The following ROCK2 variants were observed in gnomAD, a reference collection of about 807,000 sequenced individuals.
ROCK2 encodes Rho associated coiled-coil containing protein kinase 2.
A neutral mutation model predicts 195.1 loss-of-function variants in ROCK2; 61 were observed. That is an observed-to-expected ratio of 0.31 (90% CI 0.25 to 0.39). The LOEUF (loss-of-function observed/expected upper bound fraction) is 0.39. Among genes scored for constraint, ROCK2 ranks in the 10% least tolerant of loss-of-function variants. ROCK2 has a pLI of 1.00. For synonymous variants in ROCK2, 504 were observed against 545.5 expected (o/e 0.92, Z 1.06); for missense variants, 1,109 against 1,637.4 (o/e 0.68, Z 5.57).
chr2:11,343,920 G>A, intron 1 of ROCK2, 76 bp downstream of exon 1: 2 of 1,497,010 alleles, frequency 1.3e-6, no homozygotes, highest in Non-Finnish European at 8.9e-7. Flanking sequence ...CGGGCGGACG[G>A]GCACGGAGGG....
chr2:11,310,504 T>A (rs1030841736), intron 1 of ROCK2, among the ~76,000 whole-genome samples: 2 of 152,146 alleles, frequency 1.3e-5, no homozygotes, highest in African/African-American at 4.8e-5. Flanking sequence ...GACTCGTAGA[T>A]AAATTCCGAA....
chr2:11,188,723 A>G (rs1338032515), intron 32 of ROCK2, among the ~76,000 whole-genome samples: 1 of 150,820 alleles, frequency 6.6e-6, no homozygotes, highest in Non-Finnish European at 1.5e-5. Flanking sequence ...TCCCGGGTTC[A>G]CGCCATTCTC....
intron 23 of ROCK2, among the ~76,000 whole-genome samples, chr2:11,199,049 C>T (rs965529211): frequency 1.3e-5 from 2 of 150,492 alleles, no homozygotes; most frequent in South Asian, 2.1e-4. Flanking sequence ...TACAGGCATG[C>T]GCCACCACAC....
chr2:11,243,551 C>T (rs987479516), intron 4 of ROCK2, among the ~76,000 whole-genome samples: 2 of 152,108 alleles, frequency 1.3e-5, no homozygotes, highest in East Asian at 1.9e-4. Context: ...ATGAAAATGG[C>T]ACTTTAACTC....
chr2:11,269,528 C>T (rs13017010), intron 3 of ROCK2, among the ~76,000 whole-genome samples: 1 of 149,600 alleles, frequency 6.7e-6, no homozygotes. Flanking sequence ...AAAAAAAAAT[C>T]TTTTTTGAAT....
At chr2:11,286,444 G>A in intron 3 of ROCK2, 95 bp downstream of exon 3, 1 of 754,920 alleles carries the variant, frequency 1.3e-6, no homozygotes, top group Non-Finnish European at 2.3e-6. Context: ...TCTGGCATGG[G>A]TGGGCATAGA....
chr2:11,277,863 T>C (rs1666880024), intron 3 of ROCK2, among the ~76,000 whole-genome samples: 2 of 152,206 alleles, frequency 1.3e-5, no homozygotes, highest in Non-Finnish European at 1.5e-5. Flanking sequence ...GCTTCCAAAG[T>C]TGTCTTTTTC....
At chr2:11,270,345 A>T (rs1342016194) in intron 3 of ROCK2, among the ~76,000 whole-genome samples, 2 of 152,160 alleles carry the variant, frequency 1.3e-5, no homozygotes, top group African/African-American at 2.4e-5. Flanking sequence ...CTAACGTTTA[A>T]GACATTTATT....
In ROCK2 at chr2:11,214,292, A is replaced by C. The variant is rs867858153; in HGVS notation, c.2043+65T>G. The C allele has an allele frequency of 1.7e-5, 15 of 897,654 alleles. No individual in the cohort carries two copies. In the African/African-American group the frequency reaches 2.5e-4, roughly 15 times the overall value. The allele number at this position is 897,654 out of a possible 1,614,324, so 55.6% of individuals were successfully genotyped here. On this transcript the variant is annotated intron_variant, in intron 17 of 32. Coordinates refer to ENST00000315872, the MANE Select transcript of ROCK2 (RefSeq NM_004850.5). ...AGTTAGTGACTTCCCTTAGTTTAGA[A>C]TAACTTTTCTAACCTGAAAGTCTAC... is the stretch of plus-strand genomic sequence containing the variant.
At chr2:11,295,677 C>T (rs1161670306) in intron 1 of ROCK2, among the ~76,000 whole-genome samples, 1 of 152,136 alleles carries the variant, frequency 6.6e-6, no homozygotes, top group Non-Finnish European at 1.5e-5. Flanking sequence ...TAAGAGAAGG[C>T]CTGGCATGAT....
At chr2:11,341,906 C>T (rs1247413724) in intron 1 of ROCK2, among the ~76,000 whole-genome samples, 1 of 152,020 alleles carries the variant, frequency 6.6e-6, no homozygotes, top group East Asian at 1.9e-4. Context: ...ATTCCAGAGA[C>T]GGATAGTGGT....
intron 9 of ROCK2, 46 bp from the exon 10 acceptor site, chr2:11,219,072 T>A (rs769772998): frequency 1.9e-6 from 2 of 1,063,654 alleles, no homozygotes; most frequent in Admixed American, 2.4e-5. Flanking sequence ...TTCATTTTAA[T>A]CTATGTGCTG....
intron 1 of ROCK2, among the ~76,000 whole-genome samples, chr2:11,333,155 T>C (rs1459718351): frequency 1.3e-5 from 2 of 152,222 alleles, no homozygotes; most frequent in East Asian, 3.8e-4. Context: ...GGTGTATAAA[T>C]TATACCTCAA....
At chr2:11,242,665 T>G (rs1665468940) in intron 4 of ROCK2, among the ~76,000 whole-genome samples, 1 of 152,132 alleles carries the variant, frequency 6.6e-6, no homozygotes, top group Non-Finnish European at 1.5e-5. Flanking sequence ...CTATCGCCCA[T>G]ATGTGCATAA....
intron 5 of ROCK2, among the ~76,000 whole-genome samples, chr2:11,227,945 C>T (rs1664871456): frequency 1.3e-5 from 2 of 152,142 alleles, no homozygotes. Context: ...AGCTATACTT[C>T]CAAGCTATAT....
At chr2:11,218,429 CA>C in intron 11 of ROCK2, 25 bp downstream of exon 11, 1 of 1,547,786 alleles carries the variant, frequency 6.5e-7, no homozygotes. Context: ...CTCAGTTTTT[CA>C]ATATATCTGA....
At chr2:11,300,747 T>C (rs1667677199) in intron 1 of ROCK2, among the ~76,000 whole-genome samples, 1 of 152,134 alleles carries the variant, frequency 6.6e-6, no homozygotes, top group African/African-American at 2.4e-5. Context: ...TACACTGTGA[T>C]CCAGTACCCT....
At chr2:11,194,392 C>G (rs199722144) in intron 28 of ROCK2, 48 bp from the exon 29 acceptor site, 2 of 699,620 alleles carry the variant, frequency 2.9e-6, no homozygotes, top group African/African-American at 1.8e-5. Context: ...TTTTTATATA[C>G]CTTATTTATT....
chr2:11,311,199 T>C (rs2148230922), intron 1 of ROCK2, among the ~76,000 whole-genome samples: 1 of 152,280 alleles, frequency 6.6e-6, no homozygotes, highest in South Asian at 2.1e-4. Flanking sequence ...ACTAATTTGA[T>C]AGAGCCAATC....
Sources: allele counts gnomAD v4.1 joint callset (sites outside exome capture counted in the v4.1 genomes callset), GRCh38; gene constraint gnomAD v4.1.1; transcripts MANE v1.5; gene names NCBI Gene and HGNC (gene_info 2026-07-23, HGNC 2026-07-21).